STXBP4: variants seen among roughly 807,000 people sequenced by gnomAD.
STXBP4 encodes the protein syntaxin-binding protein 4.
STXBP4 carries 55 observed loss-of-function variants against 76.1 expected under a neutral mutation model. That is an observed-to-expected ratio of 0.72 (90% CI 0.58 to 0.91). The LOEUF is 0.91. Ranked by LOEUF, STXBP4 falls within the 40% of genes least tolerant of loss-of-function variation. The pLI is 0.00. For synonymous variants in STXBP4, 201 were observed against 220.2 expected (o/e 0.91, Z 0.77); for missense variants, 618 against 636.9 (o/e 0.97, Z 0.32).
At chr17:54,980,361 C>G (rs1472383463) in intron 1 of STXBP4, among the ~76,000 whole-genome samples, 2 of 152,060 alleles carry the variant, frequency 1.3e-5, no homozygotes, top group African/African-American at 4.8e-5. Context: ...GCAGCTGTTA[C>G]CAGTGCAGGG....
At chr17:55,148,497 C>A (rs1032612603) in intron 17 of STXBP4, among the ~76,000 whole-genome samples, 5 of 151,346 alleles carry the variant, frequency 3.3e-5, no homozygotes, top group African/African-American at 1.2e-4. Flanking sequence ...AAGGGTACTA[C>A]TTTTAGCTTT....
At chr17:54,974,664 A>C (rs1339703104) in intron 1 of STXBP4, among the ~76,000 whole-genome samples, 1 of 152,240 alleles carries the variant, frequency 6.6e-6, no homozygotes, top group Non-Finnish European at 1.5e-5. Context: ...ATTGGGGCTT[A>C]GCCCAGGAGG....
chr17:55,009,047 A>G (rs1278454921), intron 8 of STXBP4, among the ~76,000 whole-genome samples: 4 of 152,112 alleles, frequency 2.6e-5, no homozygotes, highest in East Asian at 1.9e-4. Flanking sequence ...AATCTTTTCT[A>G]TATCTTGTTT....
chr17:55,048,667 G>A (rs528690057), intron 12 of STXBP4, among the ~76,000 whole-genome samples: 1 of 151,796 alleles, frequency 6.6e-6, no homozygotes, highest in Non-Finnish European at 1.5e-5. Flanking sequence ...ATAAAACTTA[G>A]GAAAGAAGGA....
the STXBP4 span, among the ~76,000 whole-genome samples, chr17:55,185,251 C>CTTCTT: frequency 7.5e-4 from 37 of 49,332 alleles, no homozygotes; most frequent in African/African-American, 1.5e-3. Context: ...TTCTTCTTCT[C>CTTCTT]CTTCTCCTTC....
At chr17:55,183,629 G>A in the STXBP4 span, among the ~76,000 whole-genome samples, 4 of 152,076 alleles carry the variant, frequency 2.6e-5, no homozygotes, top group Non-Finnish European at 2.9e-5. Flanking sequence ...TGTGACTCTT[G>A]TTCACAAGAG....
In STXBP4 at chr17:54,980,934, C is replaced by T. The variant is rs532931910; in HGVS notation, c.-156-4680C>T. Among the ~76,000 whole-genome samples the T allele has an allele frequency of 6.8e-5, 7 of 102,304 alleles. No individual in the cohort carries two copies. In the East Asian group the frequency reaches 1.3e-3, roughly 19 times the overall value. The allele number at this position is 102,304 out of a possible 152,430, so 67.1% of individuals were successfully genotyped here. ...TTTCTTAAAACATGAGATTTTTTTG[C>T]GTTTTTTTTTTGTTGTTGTTGATGA... On this transcript the variant is annotated intron_variant, in intron 1 of 17. Coordinates refer to ENST00000376352, the MANE Select transcript of STXBP4 (RefSeq NM_178509.6).
At chr17:55,182,809 C>A in the STXBP4 span, among the ~76,000 whole-genome samples, 1 of 151,668 alleles carries the variant, frequency 6.6e-6, no homozygotes, top group East Asian at 1.9e-4. Flanking sequence ...ACAACAACAA[C>A]AACAAAAAAC....
Position 55,159,951 on chromosome 17 carries a change from G to A in STXBP4, c.*40G>A. The A allele has an allele frequency of 7.9e-7, 1 of 1,267,188 alleles. No individual in the cohort carries two copies. Among genetic ancestry groups the A allele is most frequent in the Non-Finnish European group, 1.2e-6 (1 of 867,818 alleles). The allele number at this position is 1,267,188 out of a possible 1,614,324, so 78.5% of individuals were successfully genotyped here. ...AAGTGGAGCTACATGGATGATGTGA[G>A]CAGAGACGCATAACATCCAATTCTG... is the stretch of plus-strand genomic sequence containing the variant. On this transcript the variant is annotated 3_prime_UTR_variant, in exon 18 of 18. Coordinates refer to ENST00000376352, the MANE Select transcript of STXBP4 (RefSeq NM_178509.6).
chr17:55,198,256 A>G, the STXBP4 span, among the ~76,000 whole-genome samples: 1 of 152,176 alleles, frequency 6.6e-6, no homozygotes, highest in East Asian at 1.9e-4. Flanking sequence ...GAAATGGGGG[A>G]CAGGTTTGCA....
intron 12 of STXBP4, among the ~76,000 whole-genome samples, chr17:55,062,449 C>A (rs1216460366): frequency 1.3e-5 from 2 of 152,094 alleles, no homozygotes; most frequent in African/African-American, 4.8e-5. Flanking sequence ...CATAGTATTA[C>A]CTGGTGTATA....
chr17:55,192,959 C>T, the STXBP4 span, among the ~76,000 whole-genome samples: 9 of 152,180 alleles, frequency 5.9e-5, no homozygotes, highest in Non-Finnish European at 7.3e-5. Context: ...AAACCTGCAG[C>T]GATCTCTCTG....
At chr17:55,031,506 T>C (rs1055968684) in intron 9 of STXBP4, among the ~76,000 whole-genome samples, 5 of 152,210 alleles carry the variant, frequency 3.3e-5, no homozygotes, top group Admixed American at 1.3e-4. Flanking sequence ...TCTGTCATAT[T>C]CTTTTTATTT....
intron 17 of STXBP4, among the ~76,000 whole-genome samples, chr17:55,152,932 A>G (rs1043633685): frequency 6.6e-6 from 1 of 152,184 alleles, no homozygotes; most frequent in Non-Finnish European, 1.5e-5. Flanking sequence ...CCCCTTTCAG[A>G]TGGTCACTTA....
At chr17:55,124,289 G>A (rs2079880506) in intron 16 of STXBP4, among the ~76,000 whole-genome samples, 1 of 152,186 alleles carries the variant, frequency 6.6e-6, no homozygotes, top group African/African-American at 2.4e-5. Context: ...AGAAAGCTTA[G>A]TCTGCAAATA....
rs763064721 is a variant in STXBP4 at position 55,000,814 on chromosome 17, A to G, written c.505A>G (p.Thr169Ala). ...NDILSSCEIK[T>A]GYNKTVQIPI... ...TCCTCATTTTCTTTCACAGATAAAAACTGGATACAACAAAACAGTACAGAT... is the reference window on the plus strand; with the variant it reads ...TCCTCATTTTCTTTCACAGATAAAAGCTGGATACAACAAAACAGTACAGAT... Residue 169 changes from threonine (T) to alanine (A), a missense_variant, in exon 7 of 18, where the codon ACT becomes GCT. Coordinates refer to ENST00000376352, the MANE Select transcript of STXBP4 (RefSeq NM_178509.6). 3 of 1,608,718 alleles carry G rather than the reference A, an allele frequency of 1.9e-6. No homozygotes were observed. The highest frequency in any genetic ancestry group is 8.5e-7 in the Non-Finnish European group (1 of 1,175,606).
intron 11 of STXBP4, 181 bp downstream of exon 11, chr17:55,043,506 C>T (rs1019744077): frequency 2.0e-6 from 2 of 1,016,622 alleles, no homozygotes; most frequent in Non-Finnish European, 2.9e-6. Context: ...TTTTGGTCTA[C>T]ATATTTATAT....
Position 55,047,112 on chromosome 17 carries a change from G to T in STXBP4, c.969G>T (p.Lys323Asn). Residue 323 changes from lysine (K) to asparagine (N), a missense_variant, in exon 12 of 18, where the codon AAG becomes AAT. Coordinates refer to ENST00000376352, the MANE Select transcript of STXBP4 (RefSeq NM_178509.6). ...AGGAAAAATTATTGGAATCAGATAA[G>T]CAAAGGAAACAATTGACAGAAGAGC... ...TLKEKLLESD[K>N]QRKQLTEELQ... 1 of 1,606,440 alleles carries T rather than the reference G, an allele frequency of 6.2e-7. No individual in the cohort carries two copies. Among genetic ancestry groups the T allele is most frequent in the Non-Finnish European group, 8.5e-7 (1 of 1,174,800 alleles).
chr17:55,058,225 G>A (rs2078955868), intron 12 of STXBP4, among the ~76,000 whole-genome samples: 1 of 152,132 alleles, frequency 6.6e-6, no homozygotes, highest in Non-Finnish European at 1.5e-5. Flanking sequence ...TGTGTTTCCT[G>A]ACTTTTTCAT....
Sources: allele counts gnomAD v4.1 joint callset (sites outside exome capture counted in the v4.1 genomes callset), GRCh38; gene constraint gnomAD v4.1.1; transcripts MANE v1.5; gene names NCBI Gene and HGNC (gene_info 2026-07-23, HGNC 2026-07-21).